The following GALNT10 variants were observed in gnomAD, a reference collection of about 807,000 sequenced individuals.
The protein encoded by GALNT10 is polypeptide N-acetylgalactosaminyltransferase 10.
Under a neutral mutation model 75.0 loss-of-function variants are expected in GALNT10, and 41 were observed. That is an observed-to-expected ratio of 0.55 (90% CI 0.43 to 0.71). The LOEUF is 0.71. Among genes scored for constraint, GALNT10 ranks in the 30% least tolerant of loss-of-function variants. GALNT10 has a pLI of 0.00. For missense variants in GALNT10, 727 were observed against 818.5 expected (o/e 0.89, Z 1.36); for synonymous variants, 302 against 313.0 (o/e 0.96, Z 0.37).
At chr5:154,213,037 T>C (rs1048242776) in intron 1 of GALNT10, among the ~76,000 whole-genome samples, 66 of 152,114 alleles carry the variant, frequency 4.3e-4, no homozygotes, top group African/African-American at 1.6e-3. Flanking sequence ...GCTTCTACTT[T>C]AGAGCTTTGA....
intron 1 of GALNT10, among the ~76,000 whole-genome samples, chr5:154,221,411 G>A (rs766006377): frequency 6.6e-6 from 1 of 152,188 alleles, no homozygotes; most frequent in Non-Finnish European, 1.5e-5. Context: ...CCGCTCCGGG[G>A]GTTAGGGTGC....
intron 1 of GALNT10, among the ~76,000 whole-genome samples, chr5:154,223,063 T>C (rs1753007804): frequency 6.6e-6 from 1 of 152,182 alleles, no homozygotes; most frequent in Admixed American, 6.5e-5. Context: ...AACTCTGAGT[T>C]TGGATATTAT....
At chr5:154,324,580 T>C (rs1440676458) in intron 3 of GALNT10, among the ~76,000 whole-genome samples, 1 of 152,198 alleles carries the variant, frequency 6.6e-6, no homozygotes, top group Admixed American at 6.5e-5. Flanking sequence ...GGGAACCCAA[T>C]ATCTACCAGT....
chr5:154,303,145 C>T (rs1754384923), intron 3 of GALNT10, among the ~76,000 whole-genome samples: 1 of 152,076 alleles, frequency 6.6e-6, no homozygotes, highest in African/African-American at 2.4e-5. Flanking sequence ...ATACATGAAA[C>T]ACTGGTTTTT....
At chr5:154,359,008 C>G (rs147863234) in intron 4 of GALNT10, among the ~76,000 whole-genome samples, 1 of 152,180 alleles carries the variant, frequency 6.6e-6, no homozygotes, top group Non-Finnish European at 1.5e-5. Flanking sequence ...GCCACAAGAG[C>G]CTTATTAATC....
chr5:154,375,415 G>A (rs1755639922), intron 4 of GALNT10, among the ~76,000 whole-genome samples: 1 of 152,206 alleles, frequency 6.6e-6, no homozygotes, highest in Non-Finnish European at 1.5e-5. Flanking sequence ...GAGACTTTTA[G>A]GAGAAAGAGA....
At chr5:154,211,529 C>T (rs1387548670) in intron 1 of GALNT10, among the ~76,000 whole-genome samples, 1 of 152,164 alleles carries the variant, frequency 6.6e-6, no homozygotes, top group Non-Finnish European at 1.5e-5. Flanking sequence ...TTAAACTCAC[C>T]ATGCATTTCC....
intron 1 of GALNT10, among the ~76,000 whole-genome samples, chr5:154,199,682 C>T (rs972772522): frequency 1.3e-5 from 2 of 152,122 alleles, no homozygotes; most frequent in African/African-American, 2.4e-5. Context: ...GGTGCCTCTA[C>T]GTGGGTGTTG....
intron 1 of GALNT10, among the ~76,000 whole-genome samples, chr5:154,235,818 A>C (rs1174812347): frequency 6.6e-6 from 1 of 152,200 alleles, no homozygotes; most frequent in Non-Finnish European, 1.5e-5. Flanking sequence ...CACATATGTA[A>C]TCTCACCGGT....
chr5:154,371,584 G>A lies in GALNT10; in HGVS notation c.569-4693G>A, dbSNP rs533723586. ...TGTGTACACACACACACACACACAC[G>A]TGTGCACACACTCAGGGCAGCATGT... On this transcript the variant is annotated intron_variant, in intron 4 of 11. Transcript: ENST00000297107. Among the ~76,000 whole-genome samples, 8 of 106,304 alleles carry A rather than the reference G, an allele frequency of 7.5e-5. No individual in the cohort carries two copies. The East Asian group carries it at 1.2e-3, about 16-fold the overall frequency. The allele number at this position is 106,304 out of a possible 152,430, so 69.7% of individuals were successfully genotyped here.
intron 3 of GALNT10, among the ~76,000 whole-genome samples, chr5:154,318,871 C>A (rs764388907): frequency 6.6e-6 from 1 of 152,182 alleles, no homozygotes; most frequent in African/African-American, 2.4e-5. Flanking sequence ...CTAAGCTTTG[C>A]GCATTCAGGG....
In GALNT10 at chr5:154,348,779, C is replaced by T. The variant is rs191136255; in HGVS notation, c.568+19041C>T. ...AGGACCCTATGATGACTTTCTTCACCTCTTCCCTAGAGTTTAAGAGTTATA... is the reference window on the plus strand; with the variant it reads ...AGGACCCTATGATGACTTTCTTCACTTCTTCCCTAGAGTTTAAGAGTTATA... On this transcript the variant is annotated intron_variant, in intron 4 of 11. Transcript: ENST00000297107. 9.0e-4 allele frequency among the ~76,000 whole-genome samples: 137 copies of T among 152,246 alleles called. No homozygotes were observed. In the South Asian group the frequency reaches 0.011, roughly 12 times the overall value.
Position 154,249,347 on chromosome 5 carries a change from A to G in GALNT10, c.160-45469A>G, listed in dbSNP as rs17096215. ...GTGCTCTTTCTGTTCCTTTTGAGCA[A>G]GTGAGCTCCATTCCAGTGGGCAGAG... On this transcript the variant is annotated intron_variant, in intron 1 of 11. Transcript: ENST00000297107. Among the ~76,000 whole-genome samples, 848 of 152,148 alleles carry G rather than the reference A, an allele frequency of 5.6e-3. 26 individuals carry two copies. In the East Asian group the frequency reaches 0.089, roughly 16 times the overall value.
intron 3 of GALNT10, among the ~76,000 whole-genome samples, chr5:154,307,331 CG>C (rs1754448472): frequency 6.6e-6 from 1 of 152,066 alleles, no homozygotes; most frequent in South Asian, 2.1e-4. Flanking sequence ...TAATTCTGGC[CG>C]GGTGTGGTGG....
intron 1 of GALNT10, among the ~76,000 whole-genome samples, chr5:154,192,683 A>G (rs974635843): frequency 6.6e-6 from 1 of 152,202 alleles, no homozygotes; most frequent in Non-Finnish European, 1.5e-5. Context: ...TCTTGAGTCC[A>G]GAGTTCCTTG....
chr5:154,268,327 A>C (rs1342224128), intron 1 of GALNT10, among the ~76,000 whole-genome samples: 1 of 151,994 alleles, frequency 6.6e-6, no homozygotes, highest in Non-Finnish European at 1.5e-5. Context: ...GGAGCTTCAG[A>C]CTCCTACGAG....
chr5:154,272,543 A>G (rs1200069160), intron 1 of GALNT10, among the ~76,000 whole-genome samples: 1 of 152,232 alleles, frequency 6.6e-6, no homozygotes, highest in East Asian at 1.9e-4. Context: ...GTAATGGAGT[A>G]TAGTGGGCAG....
At chr5:154,356,428 G>A in intron 4 of GALNT10, 1 of 292,714 alleles carries the variant, frequency 3.4e-6, no homozygotes, top group South Asian at 2.8e-5. Flanking sequence ...GCAGGGCTGG[G>A]GGAGGGAGCC....
chr5:154,385,320 A>C (rs1373029986), intron 6 of GALNT10, among the ~76,000 whole-genome samples: 1 of 152,184 alleles, frequency 6.6e-6, no homozygotes, highest in Non-Finnish European at 1.5e-5. Flanking sequence ...TTCCTCACTT[A>C]GCACGGTGCC....
Sources: allele counts gnomAD v4.1 joint callset (sites outside exome capture counted in the v4.1 genomes callset), GRCh38; gene constraint gnomAD v4.1.1; transcripts MANE v1.5; gene names NCBI Gene and HGNC (gene_info 2026-07-23, HGNC 2026-07-21).